The following HOOK3 variants were observed in gnomAD, a reference collection of about 807,000 sequenced individuals.
HOOK3 encodes protein Hook homolog 3.
Under a neutral mutation model 116.3 loss-of-function variants are expected in HOOK3, and 24 were observed. The ratio of observed to expected loss-of-function variants is 0.21; its 90% CI spans 0.15 to 0.29. The LOEUF is 0.29. Ranked by LOEUF, HOOK3 falls within the 10% of genes least tolerant of loss-of-function variation. The pLI, the probability that HOOK3 is intolerant of heterozygous loss-of-function variation, is 1.00. For synonymous variants in HOOK3, 275 were observed against 283.0 expected (o/e 0.97, Z 0.28); for missense variants, 632 against 830.2 (o/e 0.76, Z 2.93).
chr8:42,944,440 A>T (rs993878323), intron 5 of HOOK3, among the ~76,000 whole-genome samples: 1 of 152,124 alleles, frequency 6.6e-6, no homozygotes, highest in Non-Finnish European at 1.5e-5. Flanking sequence ...ATGCCACAGG[A>T]TATTTTGTAG....
chr8:42,991,254 A>G (rs1378504780), intron 15 of HOOK3, among the ~76,000 whole-genome samples: 1 of 152,070 alleles, frequency 6.6e-6, no homozygotes, highest in Admixed American at 6.5e-5. Context: ...TTTTGCTTAG[A>G]ATAGCTTTGG....
intron 13 of HOOK3, among the ~76,000 whole-genome samples, chr8:42,981,883 CAAAAAAA>C (rs11348838): frequency 1.8e-5 from 2 of 108,128 alleles, no homozygotes; most frequent in Non-Finnish European, 3.8e-5. Flanking sequence ...GACTCTGTCT[CAAAAAAA>C]AAAAAAAAAA....
rs1035840299 is a variant in HOOK3 at position 43,022,177 on chromosome 8, G to A, written c.*3679G>A. 4 of 209,472 alleles carry A rather than the reference G, an allele frequency of 1.9e-5. No individual in the cohort carries two copies. The highest frequency in any genetic ancestry group is 4.6e-5 in the African/African-American group (2 of 43,786). The allele number at this position is 209,472 out of a possible 1,614,324, so 13.0% of individuals were successfully genotyped here. ...CTCTAACGGTGGCAACTCCATGTCC[G>A]GTGTCCAGCTTTGGACAGGGTTTAT... On this transcript the variant is annotated 3_prime_UTR_variant, in exon 22 of 22. Transcript: ENST00000307602.
chr8:42,952,791 G>A (rs1212141775), intron 6 of HOOK3, among the ~76,000 whole-genome samples: 1 of 152,170 alleles, frequency 6.6e-6, no homozygotes, highest in East Asian at 1.9e-4. Context: ...TATCATATAA[G>A]ATTAGATTGG....
intron 2 of HOOK3, among the ~76,000 whole-genome samples, chr8:42,918,903 A>G (rs1379008294): frequency 6.6e-6 from 1 of 152,220 alleles, no homozygotes; most frequent in Non-Finnish European, 1.5e-5. Flanking sequence ...CGCCATCGTC[A>G]TCATGGCCCG....
intron 4 of HOOK3, among the ~76,000 whole-genome samples, chr8:42,932,718 C>T (rs1807896625): frequency 6.6e-6 from 1 of 152,152 alleles, no homozygotes; most frequent in East Asian, 1.9e-4. Context: ...AACTTATGCC[C>T]TTTTAGAAAC....
At chr8:43,015,238 A>T (rs930905528) in intron 21 of HOOK3, among the ~76,000 whole-genome samples, 5 of 152,098 alleles carry the variant, frequency 3.3e-5, no homozygotes, top group African/African-American at 1.2e-4. Context: ...ATTGACAAAT[A>T]TAGGCTATGC....
intron 16 of HOOK3, among the ~76,000 whole-genome samples, chr8:42,998,989 C>T (rs1032077712): frequency 6.6e-6 from 1 of 152,038 alleles, no homozygotes; most frequent in African/African-American, 2.4e-5. Flanking sequence ...CTGAGAAAAA[C>T]GTAAAATCCA....
chr8:42,939,292 G>C (rs1351878200), intron 4 of HOOK3, among the ~76,000 whole-genome samples: 4 of 152,030 alleles, frequency 2.6e-5, no homozygotes, highest in Non-Finnish European at 5.9e-5. Context: ...CAGTAGGGGC[G>C]GCCGGGCAGA....
In HOOK3 at chr8:43,024,369, C is replaced by A. The variant is rs13261180; in HGVS notation, c.*5871C>A. ...GATGAAAGACTATTCTGAGCAAAAT[C>A]AAATGGGATGTCAGAATCTTTGAAA... On this transcript the variant is annotated 3_prime_UTR_variant, in exon 22 of 22. Transcript: ENST00000307602. The A allele has an allele frequency of 0.88, 168,027 of 190,932 alleles. 74,933 individuals carry two copies. The highest frequency in any genetic ancestry group is 0.96 in the Non-Finnish European group (87,415 of 91,144). 11.8% of individuals were successfully genotyped at this position (190,932 alleles called of 1,614,324 possible).
chr8:43,009,095 A>G (rs1396939164), intron 18 of HOOK3, among the ~76,000 whole-genome samples: 3 of 151,430 alleles, frequency 2.0e-5, no homozygotes, highest in Non-Finnish European at 4.4e-5. Context: ...ACACAGCAAG[A>G]CCCTGTCTCA....
chr8:43,005,392 TTG>T (rs1809465338), intron 17 of HOOK3, among the ~76,000 whole-genome samples: 2 of 151,546 alleles, frequency 1.3e-5, no homozygotes, highest in South Asian at 4.2e-4. Context: ...GGCTCATTTT[TTG>T]TGTGTTTTTA....
chr8:42,968,302 T>A, intron 11 of HOOK3, 88 bp downstream of exon 11: 1 of 903,226 alleles, frequency 1.1e-6, no homozygotes, highest in African/African-American at 1.7e-5. Flanking sequence ...TTTGTTTTCA[T>A]GGTATTCTGT....
At chr8:42,943,490 A>C in intron 5 of HOOK3, 45 bp downstream of exon 5, 1 of 1,291,906 alleles carries the variant, frequency 7.7e-7, no homozygotes, top group Non-Finnish European at 1.0e-6. Context: ...TAATGAAGGA[A>C]AGTAGTGTAT....
In HOOK3 at chr8:43,026,651, T is replaced by G. The variant is rs1809937859; in HGVS notation, c.*8153T>G. On this transcript the variant is annotated 3_prime_UTR_variant, in exon 22 of 22. Transcript: ENST00000307602. ...AAGATGTTCTTACCTTTGGTTTGCCTGCCTCCTGAAACACAAACCTGCAGA... is the reference window on the plus strand; with the variant it reads ...AAGATGTTCTTACCTTTGGTTTGCCGGCCTCCTGAAACACAAACCTGCAGA... 1.4e-5 allele frequency: 3 copies of G among 220,608 alleles called. No individual in the cohort carries two copies. Among genetic ancestry groups the G allele is most frequent in the African/African-American group, 6.7e-5 (3 of 44,650 alleles). 13.7% of individuals were successfully genotyped at this position (220,608 alleles called of 1,614,324 possible).
chr8:42,987,788 C>T (rs1055088464), intron 15 of HOOK3, among the ~76,000 whole-genome samples: 3 of 151,968 alleles, frequency 2.0e-5, no homozygotes, highest in African/African-American at 7.2e-5. Flanking sequence ...TGTTCTTTTC[C>T]TTTTTGGAAA....
intron 21 of HOOK3, among the ~76,000 whole-genome samples, chr8:43,017,083 C>T (rs1809732302): frequency 6.6e-6 from 1 of 152,188 alleles, no homozygotes; most frequent in South Asian, 2.1e-4. Context: ...GATGTATCTT[C>T]CAGCCTTCTG....
At chr8:42,947,547 T>TC (rs1172461332) in intron 5 of HOOK3, among the ~76,000 whole-genome samples, 3 of 152,152 alleles carry the variant, frequency 2.0e-5, no homozygotes, top group Admixed American at 2.0e-4. Context: ...AGATTGAGTT[T>TC]CCCCCCAAAA....
intron 1 of HOOK3, among the ~76,000 whole-genome samples, chr8:42,904,273 C>CCA (rs1807256514): frequency 6.6e-6 from 1 of 151,432 alleles, no homozygotes; most frequent in Non-Finnish European, 1.5e-5. Flanking sequence ...CTCTTTCCCT[C>CCA]CACTCCTTCC....
Sources: allele counts gnomAD v4.1 joint callset (sites outside exome capture counted in the v4.1 genomes callset), GRCh38; gene constraint gnomAD v4.1.1; transcripts MANE v1.5; gene names NCBI Gene and HGNC (gene_info 2026-07-23, HGNC 2026-07-21).